ZFYVE28: variants seen among roughly 807,000 people sequenced by gnomAD.
ZFYVE28 encodes the protein zinc finger FYVE-type containing 28.
In ZFYVE28, 40 loss-of-function variants were observed where a neutral mutation model predicts 82.1. That is an observed-to-expected ratio of 0.49 (90% CI 0.38 to 0.63). The LOEUF is 0.63. ZFYVE28 is among the 30% of genes least tolerant of loss of function. The pLI is 0.00. For missense variants in ZFYVE28, 1,321 were observed against 1,242.1 expected, an observed-to-expected ratio of 1.06 and a Z score of -0.96; for synonymous variants, 612 against 546.1, an observed-to-expected ratio of 1.12 and a Z score of -1.68.
chr4:2,387,697 T>C (rs1237889817), intron 1 of ZFYVE28, among the ~76,000 whole-genome samples: 1 of 152,190 alleles, frequency 6.6e-6, no homozygotes, highest in Non-Finnish European at 1.5e-5. Context: ...ACAAGCGTCC[T>C]GTGCTTCTCC....
chr4:2,367,949 G>A (rs3128820), intron 1 of ZFYVE28, among the ~76,000 whole-genome samples: 101,255 of 151,888 alleles, frequency 0.67, 34,106 homozygotes, highest in East Asian at 0.8. Flanking sequence ...GCGACTTGGT[G>A]CGTGCCAGTC....
Position 2,341,668 on chromosome 4 carries a change from C to T in ZFYVE28, c.181-53G>A, listed in dbSNP as rs1722831654. 3.8e-6 allele frequency: 6 copies of T among 1,581,970 alleles called. No homozygotes were observed. Among genetic ancestry groups the T allele is most frequent in the East Asian group, 2.3e-5 (1 of 44,176 alleles). On this transcript the variant is annotated intron_variant, in intron 2 of 12. Coordinates refer to ENST00000290974, the MANE Select transcript of ZFYVE28 (RefSeq NM_020972.3). The surrounding 1 kb of genome is among the most constrained non-coding windows in gnomAD (Gnocchi z 4.5). ...CCAATCGCTGTGTCCAGCTGGCGGC[C>T]GCCATGTACTGCTGGAAAACACGCA... is the stretch of plus-strand genomic sequence containing the variant.
chr4:2,307,761 T>G (rs1716809519), intron 7 of ZFYVE28, among the ~76,000 whole-genome samples: 1 of 152,226 alleles, frequency 6.6e-6, no homozygotes, highest in Non-Finnish European at 1.5e-5. Flanking sequence ...CCCAAAGTGC[T>G]GGGATTACGG....
At chr4:2,322,125 G>A (rs1036173795) in intron 6 of ZFYVE28, among the ~76,000 whole-genome samples, 3 of 152,258 alleles carry the variant, frequency 2.0e-5, no homozygotes, top group African/African-American at 7.2e-5. Context: ...CAGCAGCTCT[G>A]CAGGTGCCCG....
At chr4:2,340,759 C>T (rs1361075723) in intron 3 of ZFYVE28, among the ~76,000 whole-genome samples, 4 of 152,124 alleles carry the variant, frequency 2.6e-5, no homozygotes, top group Admixed American at 6.5e-5. Context: ...ACCCAAGCCT[C>T]GGCAGAGGAC....
intron 8 of ZFYVE28, among the ~76,000 whole-genome samples, chr4:2,287,904 A>G (rs1477273460): frequency 6.6e-6 from 1 of 152,208 alleles, no homozygotes; most frequent in African/African-American, 2.4e-5. Context: ...GGATGTGTGA[A>G]TGCTCTGAAA....
intron 1 of ZFYVE28, among the ~76,000 whole-genome samples, chr4:2,401,786 C>T (rs1731211041): frequency 6.6e-6 from 1 of 152,198 alleles, no homozygotes; most frequent in East Asian, 1.9e-4. Flanking sequence ...TCCACAGGAG[C>T]CTCTTCATCC....
chr4:2,342,361 C>T (rs1722954935), intron 2 of ZFYVE28, among the ~76,000 whole-genome samples: 1 of 152,202 alleles, frequency 6.6e-6, no homozygotes, highest in African/African-American at 2.4e-5. Context: ...AGCCAGGTCC[C>T]CTTCTGTAAG....
At chr4:2,355,144 A>C (rs945164705) in intron 1 of ZFYVE28, among the ~76,000 whole-genome samples, 1 of 142,230 alleles carries the variant, frequency 7.0e-6, no homozygotes, top group African/African-American at 2.6e-5. Flanking sequence ...GTTCCCCTGG[A>C]TCAGAGTTTC....
intron 1 of ZFYVE28, among the ~76,000 whole-genome samples, chr4:2,411,943 G>A (rs925881916): frequency 7.2e-5 from 11 of 152,194 alleles, no homozygotes; most frequent in African/African-American, 2.7e-4. Flanking sequence ...CCGACATGGT[G>A]AACCCCATTG....
At chr4:2,291,888 C>G (rs996672424) in intron 8 of ZFYVE28, among the ~76,000 whole-genome samples, 9 of 152,168 alleles carry the variant, frequency 5.9e-5, no homozygotes, top group Non-Finnish European at 1.2e-4. Context: ...GGCCAAGGAG[C>G]TAGGGTGGGG....
At chr4:2,375,404 C>T (rs941588145) in intron 1 of ZFYVE28, among the ~76,000 whole-genome samples, 3 of 152,212 alleles carry the variant, frequency 2.0e-5, no homozygotes, top group Admixed American at 6.5e-5. Context: ...AGGGTTCTGC[C>T]GGGCTCTTCC....
chr4:2,374,097 T>C (rs768034112), intron 1 of ZFYVE28, among the ~76,000 whole-genome samples: 2 of 152,204 alleles, frequency 1.3e-5, no homozygotes, highest in Non-Finnish European at 2.9e-5. Context: ...CAAAAGGTAA[T>C]GTTTTTACTC....
rs534767212 is a variant in ZFYVE28 at position 2,418,256 on chromosome 4, G to A, written c.39+29C>T. 6.5e-6 allele frequency: 10 copies of A among 1,533,846 alleles called. No homozygotes were observed. The African/African-American group carries it at 9.8e-5, about 15-fold the overall frequency. ...GGGAAGGGAGAGGCCGCGACGCGGG[G>A]GGCGTCCGGCCCGAGCGGGGCCGCT... is the stretch of plus-strand genomic sequence containing the variant. On this transcript the variant is annotated intron_variant, in intron 1 of 12. Coordinates refer to ENST00000290974, the MANE Select transcript of ZFYVE28 (RefSeq NM_020972.3). This position sits in a 1 kb window ranked among gnomAD's most constrained non-coding sequence, Gnocchi z 4.6.
intron 1 of ZFYVE28, among the ~76,000 whole-genome samples, chr4:2,384,915 G>A (rs1429503091): frequency 6.6e-6 from 1 of 152,114 alleles, no homozygotes; most frequent in Non-Finnish European, 1.5e-5. Context: ...TCCTAGACTT[G>A]GGGGGAGGGG....
At chr4:2,338,163 C>T (rs893557838) in intron 4 of ZFYVE28, among the ~76,000 whole-genome samples, 1 of 152,246 alleles carries the variant, frequency 6.6e-6, no homozygotes, top group East Asian at 1.9e-4. Context: ...AACCTCCGCA[C>T]GTGGACCTCC....
At chr4:2,377,921 G>C (rs1431335649) in intron 1 of ZFYVE28, among the ~76,000 whole-genome samples, 2 of 152,236 alleles carry the variant, frequency 1.3e-5, no homozygotes, top group Non-Finnish European at 2.9e-5. Context: ...CTACATGGTA[G>C]AGCCTGTTGC....
rs757263314 is a variant in ZFYVE28 at position 2,273,318 on chromosome 4, A to G, written c.2207-29T>C. 3.8e-6 allele frequency: 6 copies of G among 1,592,230 alleles called. No homozygotes were observed. In the Admixed American group the frequency reaches 6.7e-5, roughly 18 times the overall value. ...AGGAAGGAAGGCCACAGTAACCACG[A>G]CAGAAGGACGGATGGAAGGAACTGC... On this transcript the variant is annotated intron_variant, in intron 9 of 12. Coordinates refer to ENST00000290974, the MANE Select transcript of ZFYVE28 (RefSeq NM_020972.3).
At chr4:2,357,995 G>A (rs4974676) in intron 1 of ZFYVE28, among the ~76,000 whole-genome samples, 14,548 of 152,186 alleles carry the variant, frequency 0.096, 764 homozygotes, top group East Asian at 0.12. Flanking sequence ...TGATGGCAGC[G>A]TGGTGCTGGC....
Sources: allele counts gnomAD v4.1 joint callset (sites outside exome capture counted in the v4.1 genomes callset), GRCh38; gene constraint gnomAD v4.1.1; non-coding constraint Gnocchi (gnomAD v3.1); transcripts MANE v1.5; gene names NCBI Gene and HGNC (gene_info 2026-07-23, HGNC 2026-07-21).